The following FAM161B variants were observed in gnomAD, a reference collection of about 807,000 sequenced individuals.
The protein encoded by FAM161B is protein FAM161B.
In FAM161B, 46 loss-of-function variants were observed where a neutral mutation model predicts 61.5. The observed-to-expected ratio is 0.75, with a 90% CI of 0.59 to 0.96. The LOEUF is 0.96. FAM161B is among the 40% of genes least tolerant of loss of function. The pLI is 0.00. For synonymous variants in FAM161B, 284 were observed against 302.7 expected, an observed-to-expected ratio of 0.94 and a Z score of 0.64; for missense variants, 774 against 800.7, an observed-to-expected ratio of 0.97 and a Z score of 0.40.
intron 1 of FAM161B, among the ~76,000 whole-genome samples, chr14:73,947,320 G>A (rs2056075362): frequency 6.6e-6 from 1 of 151,196 alleles, no homozygotes; most frequent in Admixed American, 6.6e-5. Flanking sequence ...GGGAGGCGGA[G>A]GTGGCAGTGA....
intron 2 of FAM161B, among the ~76,000 whole-genome samples, chr14:73,946,020 G>T (rs1420922172): frequency 6.6e-6 from 1 of 152,188 alleles, no homozygotes; most frequent in African/African-American, 2.4e-5. Flanking sequence ...GGAATTACAG[G>T]TGTGAGCCCC....
chr14:73,943,748 C>T (rs1372385140), intron 3 of FAM161B, among the ~76,000 whole-genome samples: 1 of 152,150 alleles, frequency 6.6e-6, no homozygotes, highest in Non-Finnish European at 1.5e-5. Context: ...GTAAATAACT[C>T]GCCACATTTG....
intron 1 of FAM161B, 111 bp from the exon 2 acceptor site, chr14:73,946,716 T>C: frequency 8.5e-7 from 1 of 1,174,204 alleles, no homozygotes; most frequent in Non-Finnish European, 1.2e-6. Flanking sequence ...CTGGGGAGAA[T>C]TTGGGGTCTG....
Position 73,946,491 on chromosome 14 carries a change from T to C in FAM161B, c.169A>G (p.Ile57Val), listed in dbSNP as rs2056068284. The C allele has an allele frequency of 2.5e-6, 4 of 1,614,016 alleles. No individual in the cohort carries two copies. Among genetic ancestry groups the C allele is most frequent in the African/African-American group, 2.7e-5 (2 of 74,902 alleles). ...LDEFLSPEEE[I>V]DSTSDSTGSI... ...CCAGTTGAGTCAGAAGTAGAATCTA[T>C]CTCCTCCTCTGGGCTGAGGAACTCG... is the stretch of plus-strand genomic sequence containing the variant. The change falls in exon 2 of 9, where the codon ATA becomes GTA. Residue 57 changes from isoleucine to valine, a missense_variant. Physicochemically the swap from Ile to Val is conservative, Grantham distance 29. Coordinates refer to ENST00000286544, the MANE Select transcript of FAM161B (RefSeq NM_152445.3).
chr14:73,935,545 AAAT>A (rs2055964858), intron 8 of FAM161B, among the ~76,000 whole-genome samples: 2 of 93,050 alleles, frequency 2.1e-5, no homozygotes, highest in African/African-American at 6.1e-5. Flanking sequence ...AAAATACAAA[AAAT>A]AAAAAAAAAA....
At chr14:73,943,425 T>G (rs548672599) in intron 3 of FAM161B, among the ~76,000 whole-genome samples, 17 of 152,340 alleles carry the variant, frequency 1.1e-4, no homozygotes, top group Admixed American at 4.6e-4. Context: ...GTGGCTTCCC[T>G]GTGCCCTTGG....
Position 73,942,685 on chromosome 14 carries a change from TG to T in FAM161B, c.955del (p.Gln319LysfsTer2). The T allele has an allele frequency of 6.2e-7, 1 of 1,613,642 alleles. No individual in the cohort carries two copies. Among genetic ancestry groups the T allele is most frequent in the Non-Finnish European group, 8.5e-7 (1 of 1,179,654 alleles). On this transcript the variant is annotated frameshift_variant, in exon 4 of 9. Coordinates refer to ENST00000286544, the MANE Select transcript of FAM161B (RefSeq NM_152445.3). LOFTEE classifies it high-confidence loss of function. Reference protein sequence around the residue: ...EAELFRKIRIQMRALDMLQMA... With the variant: ...EAELFRKIRIXMRALDMLQMA... ...CTGGAGCATGTCCAGGGCTCTCATT[TG>T]GATGCGAATTTTCCTGAAGAGCTCA...
chr14:73,948,280 G>C (rs551687873), intron 1 of FAM161B, among the ~76,000 whole-genome samples: 4 of 152,338 alleles, frequency 2.6e-5, no homozygotes, highest in African/African-American at 9.6e-5. Context: ...GTAAGTAATT[G>C]ATCAGTAAGC....
At chr14:73,924,356 G>GT in the FAM161B span, among the ~76,000 whole-genome samples, 2 of 152,206 alleles carry the variant, frequency 1.3e-5, no homozygotes, top group Non-Finnish European at 2.9e-5. Flanking sequence ...ACCTCCTGCT[G>GT]TGTGGCCTGG....
chr14:73,927,475 C>G (rs2055850541), downstream of FAM161B, among the ~76,000 whole-genome samples: 1 of 152,162 alleles, frequency 6.6e-6, no homozygotes, highest in Non-Finnish European at 1.5e-5. Flanking sequence ...TTTTCTTTTA[C>G]CTAGTACACA....
rs1295232432 is a variant in FAM161B, at chr14:73,938,105, GTGCAC to G, written c.1403_1407del (p.Ser468ThrfsTer2). The stretch of plus-strand genomic sequence containing the variant: ...TCATCTGCTTTGTTCTTTTTTTCAA[GTGCAC>G]TTCTAAAGGAAGGAGGCAGAAAAAG... On this transcript the variant is annotated frameshift_variant and splice_region_variant, in exon 6 of 9. Transcript: ENST00000286544. LOFTEE classifies it high-confidence loss of function. 2 of 1,613,820 alleles carry G rather than the reference GTGCAC, an allele frequency of 1.2e-6. No individual in the cohort carries two copies. The highest frequency in any genetic ancestry group is 2.7e-5 in the African/African-American group (2 of 74,856).
downstream of FAM161B, chr14:73,931,696 G>A: frequency 1.5e-6 from 1 of 667,868 alleles, no homozygotes; most frequent in South Asian, 1.7e-5. Context: ...TATAGAAGAT[G>A]GATGTAGGAG....
chr14:73,942,397 C>G lies in FAM161B; in HGVS notation c.1244G>C (p.Cys415Ser), dbSNP rs752910918. The change falls in exon 4 of 9, where the codon TGT (cysteine) becomes TCT (serine). Residue 415 changes from cysteine (C) to serine (S), a missense_variant. Coordinates refer to ENST00000286544, the MANE Select transcript of FAM161B (RefSeq NM_152445.3). ...CCTCCTTCCGGTGGTGGCAGCATCA[C>G]AGGGCCGCTGAGGGTGGCGCAGGTT... ...TANLRHPQRP[C>S]DAATTGRRQD... 6.2e-7 allele frequency: 1 copy of G among 1,614,084 alleles called. No homozygotes were observed. The highest frequency in any genetic ancestry group is 8.5e-7 in the Non-Finnish European group (1 of 1,180,012).
intron 1 of FAM161B, among the ~76,000 whole-genome samples, chr14:73,948,674 G>A (rs1393072931): frequency 6.6e-6 from 1 of 152,138 alleles, no homozygotes; most frequent in Non-Finnish European, 1.5e-5. Flanking sequence ...ACAGAGTTGT[G>A]CAACTACCAT....
chr14:73,930,891 G>A (rs1318918367), downstream of FAM161B, among the ~76,000 whole-genome samples: 6 of 152,316 alleles, frequency 3.9e-5, no homozygotes, highest in East Asian at 1.2e-3. Context: ...GTGAGCCACT[G>A]CACCCAGCCT....
chr14:73,923,561 A>G, the FAM161B span: 32 of 1,587,044 alleles, frequency 2.0e-5, no homozygotes, highest in Non-Finnish European at 2.7e-5. Context: ...GTGACAATTC[A>G]TGTGGGGAAT....
At chr14:73,930,706 G>A (rs1303927557), downstream of FAM161B, among the ~76,000 whole-genome samples, 1 of 149,306 alleles carries the variant, frequency 6.7e-6, no homozygotes, top group African/African-American at 2.5e-5. Flanking sequence ...GGGCTCAAGT[G>A]ATCCTCCTCC....
chr14:73,931,983 G>A (rs1325616713), downstream of FAM161B: 1 of 456,516 alleles, frequency 2.2e-6, no homozygotes, highest in Admixed American at 2.3e-5. Context: ...AAGATGCCTT[G>A]TTGCTTTGAA....
rs775522716 is a variant in FAM161B at position 73,946,285 on chromosome 14, C to A, written c.374+1G>T. 6.2e-7 allele frequency: 1 copy of A among 1,611,472 alleles called. No homozygotes were observed. Among genetic ancestry groups the A allele is most frequent in the Non-Finnish European group, 8.5e-7 (1 of 1,178,290 alleles). The stretch of plus-strand genomic sequence containing the variant: ...GCAGCCGTGGAGCTGCAGTGCCTTA[C>A]CTCAGAGCCTGCGGGCACTGGACCT... On this transcript the variant is annotated splice_donor_variant, in intron 2 of 8. Coordinates refer to ENST00000286544, the MANE Select transcript of FAM161B (RefSeq NM_152445.3). LOFTEE classifies it high-confidence loss of function.
Sources: gnomAD v4.1 joint callset for allele counts (sites outside exome capture counted in the v4.1 genomes callset) on GRCh38, gnomAD v4.1.1 for gene constraint, MANE v1.5 for transcripts, NCBI Gene and HGNC (gene_info 2026-07-23, HGNC 2026-07-21) for gene names.